The following PPP3CB variants were observed in gnomAD, a reference collection of about 807,000 sequenced individuals.
PPP3CB encodes protein phosphatase 3 catalytic subunit beta, also known as serine/threonine-protein phosphatase 2B catalytic subunit beta isoform.
Under a neutral mutation model 66.4 loss-of-function variants are expected in PPP3CB, and 8 were observed. The observed-to-expected ratio is 0.12, with a 90% confidence interval of 0.07 to 0.22. The LOEUF is 0.22. PPP3CB is among the 10% of genes least tolerant of loss of function. The pLI is 1.00. For missense variants in PPP3CB, 319 were observed against 642.5 expected (o/e 0.50, Z 5.44); for synonymous variants, 208 against 221.2 (o/e 0.94, Z 0.53).
At position 73,455,579 on chromosome 10, in the gene PPP3CB, C is replaced by CT. The variant is rs1035071375; in HGVS notation, c.1109-1091dup. Among the ~76,000 whole-genome samples the CT allele has an allele frequency of 6.6e-5, 10 of 151,388 alleles. No homozygotes were observed. The East Asian group carries it at 1.9e-3, about 29-fold the overall frequency. ...CTTGGCTAGTTTTATTGTCAACTGT[C>CT]TTTTTTTTTGAGATGGAGTCTCGCT... On this transcript the variant is annotated intron_variant, in intron 9 of 13. Coordinates refer to ENST00000360663, the MANE Select transcript of PPP3CB (RefSeq NM_021132.4).
intron 13 of PPP3CB, among the ~76,000 whole-genome samples, chr10:73,439,153 A>G (rs527568846): frequency 1.3e-5 from 2 of 152,312 alleles, no homozygotes; most frequent in African/African-American, 4.8e-5. Flanking sequence ...CACTTCATCT[A>G]GAATGATGCA....
intron 12 of PPP3CB, among the ~76,000 whole-genome samples, chr10:73,441,882 T>C (rs1206712202): frequency 6.6e-6 from 1 of 152,198 alleles, no homozygotes; most frequent in African/African-American, 2.4e-5. Flanking sequence ...AATTAACTTT[T>C]AAAGTTCTTG....
At chr10:73,438,537 A>T in intron 13 of PPP3CB, 117 bp from the exon 14 acceptor site, 1 of 863,704 alleles carries the variant, frequency 1.2e-6, no homozygotes, top group Non-Finnish European at 1.8e-6. Flanking sequence ...GCAACACATA[A>T]ATCTTACTTT....
intron 12 of PPP3CB, among the ~76,000 whole-genome samples, chr10:73,443,130 T>A (rs2056176515): frequency 6.6e-6 from 1 of 151,454 alleles, no homozygotes; most frequent in African/African-American, 2.4e-5. Context: ...GCCCAGGAGG[T>A]TGAGGCTGCA....
chr10:73,451,769 G>A (rs953310162), intron 10 of PPP3CB, among the ~76,000 whole-genome samples: 29 of 139,596 alleles, frequency 2.1e-4, no homozygotes, highest in African/African-American at 7.0e-4. Context: ...TTTTTGAGAC[G>A]GAGTCTCCAT....
chr10:73,479,723 T>A (rs2056844552), intron 1 of PPP3CB, among the ~76,000 whole-genome samples: 1 of 152,232 alleles, frequency 6.6e-6, no homozygotes. Flanking sequence ...TGTTGAGAAT[T>A]ATTAGAGAAA....
At chr10:73,452,042 G>T (rs940264923) in intron 10 of PPP3CB, among the ~76,000 whole-genome samples, 1 of 151,172 alleles carries the variant, frequency 6.6e-6, no homozygotes, top group African/African-American at 2.4e-5. Flanking sequence ...CACCACACCC[G>T]GCTGGAAGCC....
rs549651622 is a variant in PPP3CB, at chr10:73,495,926, G to A, written c.-37C>T. On this transcript the variant is annotated 5_prime_UTR_variant, in exon 1 of 14. Coordinates refer to ENST00000360663, the MANE Select transcript of PPP3CB (RefSeq NM_021132.4). ...GGCTCGGCTAGGCTCTGGGCCGGGC[G>A]GGGTTGGGGGCGGGGGCGGCGGCTA... 4.6e-6 allele frequency: 5 copies of A among 1,075,864 alleles called. No homozygotes were observed. Among genetic ancestry groups the A allele is most frequent in the East Asian group, 3.3e-5 (1 of 30,104 alleles). The allele number at this position is 1,075,864 out of a possible 1,614,324, so 66.6% of individuals were successfully genotyped here.
chr10:73,467,541 T>C lies in PPP3CB; in HGVS notation c.1108+12A>G. On this transcript the variant is annotated intron_variant, in intron 9 of 13. Coordinates refer to ENST00000360663, the MANE Select transcript of PPP3CB (RefSeq NM_021132.4). ...TAATAAAACAAATTTTTTTTAAAAATAAAAATTATACCTTTTTCTCCAACA... is the reference window on the plus strand; with the variant it reads ...TAATAAAACAAATTTTTTTTAAAAACAAAAATTATACCTTTTTCTCCAACA... The C allele has an allele frequency of 6.7e-7, 1 of 1,489,860 alleles. No homozygotes were observed. The highest frequency in any genetic ancestry group is 8.9e-7 in the Non-Finnish European group (1 of 1,123,294). The allele number at this position is 1,489,860 out of a possible 1,614,324, so 92.3% of individuals were successfully genotyped here.
chr10:73,471,701 G>A, intron 4 of PPP3CB, 88 bp from the exon 5 acceptor site: 2 of 1,040,750 alleles, frequency 1.9e-6, no homozygotes, highest in Non-Finnish European at 2.7e-6. Flanking sequence ...TTTATTTCTT[G>A]TTCTCTCCCC....
At chr10:73,488,512 C>T (rs962918707) in intron 1 of PPP3CB, among the ~76,000 whole-genome samples, 55 of 145,536 alleles carry the variant, frequency 3.8e-4, no homozygotes, top group African/African-American at 1.4e-3. Context: ...TGGCGCTGCA[C>T]TACAGCCTGG....
At chr10:73,489,598 T>C (rs1376592580) in intron 1 of PPP3CB, among the ~76,000 whole-genome samples, 1 of 152,126 alleles carries the variant, frequency 6.6e-6, no homozygotes, top group African/African-American at 2.4e-5. Context: ...TTAAGTATCT[T>C]GTCCATGGCA....
chr10:73,478,646 T>C (rs1322971503), intron 2 of PPP3CB, 23 bp from the exon 3 acceptor site: 5 of 1,596,640 alleles, frequency 3.1e-6, no homozygotes, highest in African/African-American at 2.7e-5. Context: ...GATTATTAGA[T>C]AAGGGAAAAA....
intron 4 of PPP3CB, among the ~76,000 whole-genome samples, chr10:73,473,588 T>C (rs1250211648): frequency 2.0e-5 from 3 of 151,848 alleles, no homozygotes; most frequent in Non-Finnish European, 2.9e-5. Context: ...CGGGAGGAGG[T>C]TGCTGTGAGC....
intron 12 of PPP3CB, among the ~76,000 whole-genome samples, chr10:73,440,174 CA>C (rs1222954121): frequency 6.6e-6 from 1 of 152,198 alleles, no homozygotes; most frequent in Non-Finnish European, 1.5e-5. Context: ...AGCACCCATG[CA>C]AATGCACTCC....
At chr10:73,443,879 AC>A (rs1286590766) in intron 12 of PPP3CB, 1 of 152,248 alleles carries the variant, frequency 6.6e-6, no homozygotes, top group Admixed American at 6.5e-5. Context: ...TTTAAATTCA[AC>A]CCCTTATAAC....
Position 73,491,022 on chromosome 10 carries a change from G to GTTTTTTTTTTTTTTTTTTTT in PPP3CB, c.85+4763_85+4782dup, listed in dbSNP as rs528238766. On this transcript the variant is annotated intron_variant, in intron 1 of 13. Coordinates refer to ENST00000360663, the MANE Select transcript of PPP3CB (RefSeq NM_021132.4). The stretch of plus-strand genomic sequence containing the variant: ...TAATTTTTGTTTGTTTGTTTTTATT[G>GTTTTTTTTTTTTTTTTTTTT]TTTTTTTTTTTTTTTTTTTTTTTTT... Among the ~76,000 whole-genome samples the GTTTTTTTTTTTTTTTTTTTT allele has an allele frequency of 1.5e-4, 6 of 40,896 alleles. 1 individual carries two copies. The highest frequency in any genetic ancestry group is 2.7e-4 in the Non-Finnish European group (5 of 18,838). The allele number at this position is 40,896 out of a possible 152,430, so 26.8% of individuals were successfully genotyped here. A position where few individuals can be genotyped will look rare whatever the true frequency, so the allele number is the denominator to read the frequency against.
At chr10:73,475,736 C>T (rs895190222) in intron 3 of PPP3CB, among the ~76,000 whole-genome samples, 1 of 152,066 alleles carries the variant, frequency 6.6e-6, no homozygotes, top group African/African-American at 2.4e-5. Context: ...ATAGCAGATG[C>T]TATTCTCTAA....
Position 73,436,482 on chromosome 10 carries a change from A to G in PPP3CB, c.*1760T>C, listed in dbSNP as rs967547056. 3 of 151,832 alleles carry G rather than the reference A, an allele frequency of 2.0e-5. No individual in the cohort carries two copies. Among genetic ancestry groups the G allele is most frequent in the Admixed American group, 1.3e-4 (2 of 15,272 alleles). The allele number at this position is 151,832 out of a possible 1,614,324, so 9.4% of individuals were successfully genotyped here. On this transcript the variant is annotated 3_prime_UTR_variant, in exon 14 of 14. Coordinates refer to ENST00000360663, the MANE Select transcript of PPP3CB (RefSeq NM_021132.4). ...TTAGAACACCCAGTAAATTCCCAAT[A>G]CCACTATAACAAAATTCTAGACAAT...
Sources: gnomAD v4.1 joint callset for allele counts (sites outside exome capture counted in the v4.1 genomes callset) on GRCh38, gnomAD v4.1.1 for gene constraint, MANE v1.5 for transcripts, NCBI Gene and HGNC (gene_info 2026-07-23, HGNC 2026-07-21) for gene names.